The following TNRC6C variants were observed in gnomAD, a reference collection of about 807,000 sequenced individuals.
The protein encoded by TNRC6C is trinucleotide repeat containing adaptor 6C, also known as trinucleotide repeat-containing gene 6C protein.
In TNRC6C, 20 loss-of-function variants were observed where a neutral mutation model predicts 153.7. That is an observed-to-expected ratio of 0.13 (90% CI 0.09 to 0.19). The LOEUF (loss-of-function observed/expected upper bound fraction) is 0.19, where lower values mean the gene tolerates loss of function less well. Ranked by LOEUF, TNRC6C falls within the 10% of genes least tolerant of loss-of-function variation. The probability of loss-of-function intolerance (pLI) is 1.00; values close to 1 mark genes in which losing one functional copy is unlikely to be tolerated. For missense variants in TNRC6C, 1,987 were observed against 2,172.0 expected, an observed-to-expected ratio of 0.91 and a Z score of 1.69; for synonymous variants, 811 against 841.4, an observed-to-expected ratio of 0.96 and a Z score of 0.63.
At chr17:78,023,505 G>A (rs2071875798) in intron 1 of TNRC6C, among the ~76,000 whole-genome samples, 1 of 152,086 alleles carries the variant, frequency 6.6e-6, no homozygotes, top group Non-Finnish European at 1.5e-5. Flanking sequence ...CACTTGTTGA[G>A]TCTAGAATAA....
chr17:78,048,763 C>T, intron 2 of TNRC6C, 82 bp from the exon 5 acceptor site: 1 of 1,196,952 alleles, frequency 8.4e-7, no homozygotes, highest in South Asian at 4.4e-5. Context: ...AAATAAAGAG[C>T]TTCCCCAAAG....
intron 1 of TNRC6C, among the ~76,000 whole-genome samples, chr17:78,012,432 A>G (rs142082487): frequency 3.4e-4 from 52 of 152,170 alleles, no homozygotes; most frequent in African/African-American, 1.1e-3. Context: ...CTGTACATCA[A>G]GCCCCCCATG....
At chr17:78,055,061 ACTGTAGACTG>A (rs1400247674) in intron 3 of TNRC6C, among the ~76,000 whole-genome samples, 15 of 152,232 alleles carry the variant, frequency 9.9e-5, no homozygotes, top group African/African-American at 3.6e-4. Flanking sequence ...ACTGCGCACC[ACTGTAGACTG>A]CTGTAGACTT....
At chr17:78,050,274 C>A in exon 3 of TNRC6C, 1 of 1,547,252 alleles carries the variant, frequency 6.5e-7, no homozygotes. Flanking sequence ...ATGGTTCTGG[C>A]AACCACAATG....
intron 1 of TNRC6C, among the ~76,000 whole-genome samples, chr17:77,992,680 A>G (rs1352475042): frequency 2.0e-5 from 3 of 152,200 alleles, no homozygotes; most frequent in Non-Finnish European, 4.4e-5. Context: ...TGGCACACAC[A>G]TGCTAGCGCA....
intron 2 of TNRC6C, among the ~76,000 whole-genome samples, chr17:78,038,955 C>T (rs978677349): frequency 6.6e-6 from 1 of 151,690 alleles, no homozygotes; most frequent in Non-Finnish European, 1.5e-5. Flanking sequence ...TGCTGTTGGT[C>T]GGAATGTAAG....
intron 2 of TNRC6C, among the ~76,000 whole-genome samples, chr17:78,039,793 G>C (rs182834539): frequency 6.6e-6 from 1 of 152,228 alleles, no homozygotes; most frequent in Non-Finnish European, 1.5e-5. Context: ...ACAAGCCCGA[G>C]AGGAGGAGGG....
At chr17:78,006,533 TCTTCTTCTTCTTCTTCTTCTTCTTCTTC>T (rs1567910863) in intron 1 of TNRC6C, among the ~76,000 whole-genome samples, 9 of 141,930 alleles carry the variant, frequency 6.3e-5, no homozygotes, top group African/African-American at 2.2e-4. Context: ...TTCTTCTTCT[TCTTCTTCTTCTTCTTCTTCTTCTTCTTC>T]CTTCTTCCTT....
intron 17 of TNRC6C, among the ~76,000 whole-genome samples, chr17:78,100,742 T>G (rs780289503): frequency 6.6e-6 from 1 of 151,790 alleles, no homozygotes. Flanking sequence ...GCACCCAGCT[T>G]GAATTTTTCC....
chr17:78,066,246 C>T (rs891816665), intron 4 of TNRC6C: 18 of 150,578 alleles, frequency 1.2e-4, no homozygotes, highest in African/African-American at 2.2e-4. Context: ...AAAAAAAATT[C>T]GTTGTTCACA....
At chr17:78,105,058 C>G in exon 20 of TNRC6C, 1 of 451,594 alleles carries the variant, frequency 2.2e-6, no homozygotes. Flanking sequence ...ACAGGATGTT[C>G]CTCGTAGCTT....
Position 78,087,453 on chromosome 17 carries a change from G to A in TNRC6C, c.3802+360G>A, listed in dbSNP as rs1423693151. Among the ~76,000 whole-genome samples, 5 of 150,050 alleles carry A rather than the reference G, an allele frequency of 3.3e-5. No homozygotes were observed. The East Asian group carries it at 5.9e-4, about 18-fold the overall frequency. On this transcript the variant is annotated intron_variant, in intron 13 of 19. Transcript: ENST00000301624. ...GTAATAAGGGAACAACACTAACCAC[G>A]TTGTATAGAGCAGGAGTTTTGCCGC...
chr17:78,019,704 A>G (rs535350033), intron 1 of TNRC6C, among the ~76,000 whole-genome samples: 42 of 152,316 alleles, frequency 2.8e-4, no homozygotes, highest in South Asian at 6.2e-4. Flanking sequence ...CTTAAATAAA[A>G]CAAATGATTT....
rs774354095 is a variant in TNRC6C, at chr17:78,104,600, G to A, written c.4828G>A (p.Ala1610Thr). Residue 1610 changes from alanine (A) to threonine (T), a missense_variant, in exon 20 of 20, where the codon GCG becomes ACG. Physicochemically the swap from Ala to Thr is moderately conservative, Grantham distance 58 (BLOSUM62 0). Transcript: ENST00000301624. The surrounding 1 kb of genome is among the most constrained non-coding windows in gnomAD (Gnocchi z 6.2). ...CACTTCCAGCTGGCAGTCCAGCAGC[G>A]CGTCCAGCCAGCCGCGGCTCAGCGC... The A allele has an allele frequency of 8.4e-6, 13 of 1,552,816 alleles. No individual in the cohort carries two copies. The highest frequency in any genetic ancestry group is 6.9e-5 in the African/African-American group (5 of 72,902).
intron 3 of TNRC6C, among the ~76,000 whole-genome samples, chr17:78,059,599 G>A (rs2072725508): frequency 6.6e-6 from 1 of 152,196 alleles, no homozygotes; most frequent in Non-Finnish European, 1.5e-5. Context: ...TGTAATCCCA[G>A]CACTTTGGGA....
chr17:78,093,422 A>G, intron 15 of TNRC6C, 198 bp from the exon 18 acceptor site: 1 of 735,180 alleles, frequency 1.4e-6, no homozygotes, highest in Non-Finnish European at 2.2e-6. Flanking sequence ...AACTAGCTTA[A>G]TATGATAGCT....
chr17:78,006,491 CTTTCTTCTTCTTCTTCTT>C (rs2071500499), intron 1 of TNRC6C, among the ~76,000 whole-genome samples: 1 of 134,714 alleles, frequency 7.4e-6, no homozygotes, highest in African/African-American at 2.8e-5. Context: ...TCTTCTTCTT[CTTTCTTCTTCTTCTTCTT>C]CTTCTTCTTC....
intron 1 of TNRC6C, among the ~76,000 whole-genome samples, chr17:78,026,239 A>G (rs1412888917): frequency 6.6e-6 from 1 of 152,212 alleles, no homozygotes; most frequent in Non-Finnish European, 1.5e-5. Flanking sequence ...TTTACAGCCT[A>G]GAGAAGAAGA....
At chr17:78,103,472 A>G (rs754165566) in exon 19 of TNRC6C, 1 of 1,613,886 alleles carries the variant, frequency 6.2e-7, no homozygotes, top group Admixed American at 1.7e-5. Flanking sequence ...ATCACATTCC[A>G]CCTGAATCTG....
Sources: allele counts gnomAD v4.1 joint callset (sites outside exome capture counted in the v4.1 genomes callset), GRCh38; gene constraint gnomAD v4.1.1; non-coding constraint Gnocchi (gnomAD v3.1); transcripts MANE v1.5; gene names NCBI Gene and HGNC (gene_info 2026-07-23, HGNC 2026-07-21).